ANKRD40CL: variants seen among roughly 807,000 people sequenced by gnomAD.
The protein encoded by ANKRD40CL is ANKRD40 C-terminal like, also known as putative ANKRD40 C-terminal-like protein.
For missense variants in ANKRD40CL, 11 were observed against 6.4 expected, an observed-to-expected ratio of 1.71 and a Z score of -0.77; for synonymous variants, 5 against 2.3, an observed-to-expected ratio of 2.14 and a Z score of -1.04.
chr17:50,763,331 C>T (rs1272491113), intron 3 of ANKRD40CL, 66 bp downstream of exon 3: 12 of 398,894 alleles, frequency 3.0e-5, no homozygotes, highest in Non-Finnish European at 4.4e-5. Flanking sequence ...GAAGTGTAAA[C>T]GATTGGCTCC....
intron 3 of ANKRD40CL, chr17:50,763,161 C>T: frequency 2.9e-6 from 1 of 348,698 alleles, no homozygotes; most frequent in Non-Finnish European, 5.1e-6. Context: ...TCCCAAAGTG[C>T]TGGGATTGTA....
At chr17:50,765,547 C>T (rs1280869564) in intron 2 of ANKRD40CL, among the ~76,000 whole-genome samples, 1 of 152,170 alleles carries the variant, frequency 6.6e-6, no homozygotes, top group Non-Finnish European at 1.5e-5. Flanking sequence ...GGTAAATGGC[C>T]AGATATGGAT....
At chr17:50,767,425 G>C (rs1971348139) in intron 1 of ANKRD40CL, 38 bp downstream of exon 1, 2 of 312,074 alleles carry the variant, frequency 6.4e-6, no homozygotes, top group Admixed American at 8.2e-5. Flanking sequence ...CTCAGCAGCT[G>C]TGCATGACAA....
At position 50,767,373 on chromosome 17, in the gene ANKRD40CL, ACTC is replaced by A. The variant is rs571372990; in HGVS notation, c.-99+87_-99+89del. The A allele has an allele frequency of 1.9e-3, 635 of 337,454 alleles. 9 individuals are homozygous for A. Among genetic ancestry groups the A allele is most frequent in the African/African-American group, 0.012 (563 of 45,820 alleles). 20.9% of individuals were successfully genotyped at this position (337,454 alleles called of 1,614,324 possible). A position where few individuals can be genotyped will look rare whatever the true frequency, so the allele number is the denominator to read the frequency against. ...ACACTTTGTTTCTCGGTTTGAATGG[ACTC>A]CTCCTCCCCATTTCACTGTCTTTAC... On this transcript the variant is annotated intron_variant, in intron 1 of 3. Coordinates refer to ENST00000450727, the MANE Select transcript of ANKRD40CL (RefSeq NM_001358683.3).
At chr17:50,762,007 T>A (rs1971209200) in intron 3 of ANKRD40CL, among the ~76,000 whole-genome samples, 1 of 151,896 alleles carries the variant, frequency 6.6e-6, no homozygotes. Flanking sequence ...CAGTCACAGC[T>A]CACTGCAGCT....
In ANKRD40CL at chr17:50,761,431, T is replaced by TCAGA. The variant is rs1372054424; in HGVS notation, c.276_277insTCTG (p.Thr93SerfsTer15). 1 of 398,930 alleles carries TCAGA rather than the reference T, an allele frequency of 2.5e-6. No individual in the cohort carries two copies. Among genetic ancestry groups the TCAGA allele is most frequent in the Non-Finnish European group, 4.4e-6 (1 of 226,070 alleles). 24.7% of individuals were successfully genotyped at this position (398,930 alleles called of 1,614,324 possible). On this transcript the variant is annotated frameshift_variant, in exon 4 of 4. Coordinates refer to ENST00000450727, the MANE Select transcript of ANKRD40CL (RefSeq NM_001358683.3). LOFTEE classifies it low-confidence loss of function (END_TRUNC). Reference sequence around the variant, plus strand: ...TCTGTCAGAGATGGCACATATTCTGTCAATCTGGAGCTTCCATTTTTCATT... The same window carrying TCAGA: ...TCTGTCAGAGATGGCACATATTCTGTCAGACAATCTGGAGCTTCCATTTTTCATT...
chr17:50,766,658 T>C (rs1001374528), intron 2 of ANKRD40CL: 1 of 481,180 alleles, frequency 2.1e-6, no homozygotes, highest in African/African-American at 2.0e-5. Flanking sequence ...GCACCAGTAA[T>C]TGCTGGCTGC....
At chr17:50,762,236 G>A (rs180980253) in intron 3 of ANKRD40CL, among the ~76,000 whole-genome samples, 2 of 152,122 alleles carry the variant, frequency 1.3e-5, no homozygotes, top group African/African-American at 4.8e-5. Context: ...TTGTTGTTAA[G>A]GTATCTGGAA....
chr17:50,766,288 C>G (rs914104823), intron 2 of ANKRD40CL, among the ~76,000 whole-genome samples: 1 of 152,168 alleles, frequency 6.6e-6, no homozygotes, highest in African/African-American at 2.4e-5. Flanking sequence ...GACCTGATAT[C>G]GATACCTGAT....
At position 50,766,902 on chromosome 17, in the gene ANKRD40CL, C is replaced by T. The variant is rs777438547; in HGVS notation, c.12G>A (p.Pro4=). 72 of 685,638 alleles carry T rather than the reference C, an allele frequency of 1.1e-4. No homozygotes were observed. Among genetic ancestry groups the T allele is most frequent in the Middle Eastern group, 2.4e-4 (1 of 4,220 alleles). 42.5% of individuals were successfully genotyped at this position (685,638 alleles called of 1,614,324 possible). MAE[P]EQDIGEKPAV... ...CTGGCTTCTCCCCGATGTCCTGTTC[C>T]GGTTCAGCCATGAGTCACCTCTAGT... Residue 4 remains proline, a synonymous_variant, in exon 2 of 4, where the codon CCG becomes CCA. Coordinates refer to ENST00000450727, the MANE Select transcript of ANKRD40CL (RefSeq NM_001358683.3).
At chr17:50,766,077 C>T (rs1253480456) in intron 2 of ANKRD40CL, among the ~76,000 whole-genome samples, 2 of 152,186 alleles carry the variant, frequency 1.3e-5, no homozygotes, top group Non-Finnish European at 2.9e-5. Flanking sequence ...GCCACCCTGC[C>T]AGATGCCTCC....
chr17:50,761,961 G>T (rs1469204340), intron 3 of ANKRD40CL, among the ~76,000 whole-genome samples: 5 of 151,358 alleles, frequency 3.3e-5, no homozygotes, highest in Non-Finnish European at 7.4e-5. Context: ...TTGAGACAGG[G>T]TCTCGCTCTG....
intron 3 of ANKRD40CL, 175 bp downstream of exon 3, chr17:50,763,222 T>C: frequency 2.5e-6 from 1 of 395,658 alleles, no homozygotes; most frequent in East Asian, 3.6e-5. Flanking sequence ...AAAAGGTTTA[T>C]GGATTAGATG....
At position 50,761,043 on chromosome 17, in the gene ANKRD40CL, T is replaced by TATTTATTTATTTATTTATTA. The variant is rs1971191441; in HGVS notation, c.*319_*320insTAATAAATAAATAAATAAAT. 1 of 153,926 alleles carries TATTTATTTATTTATTTATTA rather than the reference T, an allele frequency of 6.5e-6. No homozygotes were observed. Among genetic ancestry groups the TATTTATTTATTTATTTATTA allele is most frequent in the African/African-American group, 2.4e-5 (1 of 41,294 alleles). 9.5% of individuals were successfully genotyped at this position (153,926 alleles called of 1,614,324 possible). A position where few individuals can be genotyped will look rare whatever the true frequency, so the allele number is the denominator to read the frequency against. ...TAATTCCTGGGATTGATTATTTATT[T>TATTTATTTATTTATTTATTA]ATTTATTTATTTTGAGAGACAGAGT... On this transcript the variant is annotated 3_prime_UTR_variant, in exon 4 of 4. Transcript: ENST00000450727.
In ANKRD40CL at chr17:50,766,958, T is replaced by C. The variant is rs1395637848; in HGVS notation, c.-45A>G. On this transcript the variant is annotated 5_prime_UTR_variant, in exon 2 of 4. Coordinates refer to ENST00000450727, the MANE Select transcript of ANKRD40CL (RefSeq NM_001358683.3). ...AGATGTGCAGCCCCTCTCGCATTTA[T>C]GCACAAGCTCCCAACCAAATAAAAA... The C allele has an allele frequency of 7.1e-6, 5 of 702,258 alleles. No homozygotes were observed. The highest frequency in any genetic ancestry group is 1.3e-5 in the Non-Finnish European group (5 of 384,950). The allele number at this position is 702,258 out of a possible 1,614,324, so 43.5% of individuals were successfully genotyped here.
chr17:50,764,152 G>T, intron 2 of ANKRD40CL: 2 of 398,692 alleles, frequency 5.0e-6, no homozygotes, highest in Non-Finnish European at 4.4e-6. Flanking sequence ...TCACATAGGG[G>T]CTGAGTCTTC....
chr17:50,766,827 C>T lies in ANKRD40CL; in HGVS notation c.40+47G>A, dbSNP rs1971327032. 4.8e-6 allele frequency: 3 copies of T among 626,774 alleles called. No individual in the cohort carries two copies. In the African/African-American group the frequency reaches 5.6e-5, roughly 12 times the overall value. 38.8% of individuals were successfully genotyped at this position (626,774 alleles called of 1,614,324 possible). A position where few individuals can be genotyped will look rare whatever the true frequency, so the allele number is the denominator to read the frequency against. On this transcript the variant is annotated intron_variant, in intron 2 of 3. Coordinates refer to ENST00000450727, the MANE Select transcript of ANKRD40CL (RefSeq NM_001358683.3). ...GTCCCAGCCTTCCCCAGCCCCCTGTCCCATCCTCCTTGAGGACCATGTTGG... is the reference window on the plus strand; with the variant it reads ...GTCCCAGCCTTCCCCAGCCCCCTGTTCCATCCTCCTTGAGGACCATGTTGG...
intron 1 of ANKRD40CL, 103 bp downstream of exon 1, chr17:50,767,360 T>G (rs1971346525): frequency 2.8e-6 from 1 of 356,930 alleles, no homozygotes; most frequent in Non-Finnish European, 5.6e-6. Flanking sequence ...ACTTTGTTTC[T>G]CGGTTTGAAT....
At position 50,764,399 on chromosome 17, in the gene ANKRD40CL, T is replaced by A. The variant is rs1597957069; in HGVS notation, c.41-842A>T. On this transcript the variant is annotated intron_variant, in intron 2 of 3. Transcript: ENST00000450727. ...AGGCAAGTCAGGAAAAGGGCAGTAA[T>A]GACTTTCAGTCTTGAAGAGTAATTT... The A allele has an allele frequency of 1.0e-5, 4 of 396,508 alleles. No individual in the cohort carries two copies. The East Asian group carries it at 1.4e-4, about 14-fold the overall frequency. The allele number at this position is 396,508 out of a possible 1,614,324, so 24.6% of individuals were successfully genotyped here. A position where few individuals can be genotyped will look rare whatever the true frequency, so the allele number is the denominator to read the frequency against.
Sources: gnomAD v4.1 joint callset for allele counts (sites outside exome capture counted in the v4.1 genomes callset) on GRCh38, gnomAD v4.1.1 for gene constraint, MANE v1.5 for transcripts, NCBI Gene and HGNC (gene_info 2026-07-23, HGNC 2026-07-21) for gene names.